EEA1: variants seen among roughly 807,000 people sequenced by gnomAD.
The protein encoded by EEA1 is early endosome antigen 1, 162kD.
Under a neutral mutation model 209.2 loss-of-function variants are expected in EEA1, and 111 were observed. The observed-to-expected ratio is 0.53, with a 90% CI of 0.45 to 0.62. EEA1 has a LOEUF of 0.62. EEA1 is among the 20% of genes least tolerant of loss of function. The pLI is 0.00. For synonymous variants in EEA1, 536 were observed against 540.6 expected (o/e 0.99, Z 0.12); for missense variants, 1,343 against 1,530.8 (o/e 0.88, Z 2.05).
chr12:92,813,505 C>T (rs1268159323), intron 15 of EEA1, among the ~76,000 whole-genome samples: 2 of 152,154 alleles, frequency 1.3e-5, no homozygotes, highest in Non-Finnish European at 2.9e-5. Flanking sequence ...TTCAATGACT[C>T]AAAACAGCCA....
chr12:92,806,458 T>C (rs1415357747), intron 18 of EEA1, among the ~76,000 whole-genome samples: 1 of 152,122 alleles, frequency 6.6e-6, no homozygotes, highest in Non-Finnish European at 1.5e-5. Flanking sequence ...GAAATTAGAA[T>C]AGCTCTATGT....
In EEA1 at chr12:92,929,183, CG is replaced by C. The variant is rs1881333764; in HGVS notation, c.-118del. ...GCCGGGAGGGGACCGGGAAGGAGGT[CG>C]GGGCGAGGCGGTGGCGACGGCCGCT... is the stretch of plus-strand genomic sequence containing the variant. On this transcript the variant is annotated 5_prime_UTR_variant, in exon 1 of 29. Coordinates refer to ENST00000322349, the MANE Select transcript of EEA1 (RefSeq NM_003566.4). 4.0e-6 allele frequency: 4 copies of C among 999,288 alleles called. No homozygotes were observed. The African/African-American group carries it at 5.3e-5, about 13-fold the overall frequency. 61.9% of individuals were successfully genotyped at this position (999,288 alleles called of 1,614,324 possible).
intron 21 of EEA1, among the ~76,000 whole-genome samples, chr12:92,794,181 T>C (rs1874543831): frequency 6.6e-6 from 1 of 152,176 alleles, no homozygotes; most frequent in Non-Finnish European, 1.5e-5. Flanking sequence ...CACTATGAGA[T>C]ACCATCTCAC....
In EEA1 at chr12:92,869,478, T is replaced by C. The variant is rs564053734; in HGVS notation, c.118-4491A>G. ...AAAAGCCCTGGCCGGGCGCAGTTGT[T>C]CACGCCCATAATCCCAGCACTTTGG... On this transcript the variant is annotated intron_variant, in intron 2 of 28. Transcript: ENST00000322349. Among the ~76,000 whole-genome samples the C allele has an allele frequency of 1.9e-3, 289 of 151,936 alleles. 2 individuals are homozygous for C. Among genetic ancestry groups the C allele is most frequent in the Non-Finnish European group, 2.6e-3 (180 of 67,952 alleles).
intron 2 of EEA1, among the ~76,000 whole-genome samples, chr12:92,880,347 C>T (rs1464150810): frequency 6.6e-6 from 1 of 152,204 alleles, no homozygotes; most frequent in East Asian, 1.9e-4. Context: ...CTCTGTCACT[C>T]TAACTGGAGT....
intron 27 of EEA1, 107 bp downstream of exon 27, chr12:92,777,436 T>G: frequency 8.1e-7 from 1 of 1,234,336 alleles, no homozygotes; most frequent in South Asian, 1.8e-5. Flanking sequence ...GAGTAGCTAT[T>G]TGAAAGTATT....
chr12:92,899,007 T>C (rs971835175), intron 1 of EEA1, among the ~76,000 whole-genome samples: 3 of 148,860 alleles, frequency 2.0e-5, no homozygotes, highest in African/African-American at 7.4e-5. Context: ...AGGCAATAAC[T>C]GTATCCTGTC....
At chr12:92,927,543 A>G (rs916390161) in intron 1 of EEA1, among the ~76,000 whole-genome samples, 3 of 152,344 alleles carry the variant, frequency 2.0e-5, no homozygotes, top group East Asian at 3.9e-4. Flanking sequence ...AAACCAATCT[A>G]TAACTACAGC....
chr12:92,796,782 C>T (rs758623288), intron 21 of EEA1, among the ~76,000 whole-genome samples: 16 of 152,132 alleles, frequency 1.1e-4, no homozygotes, highest in Non-Finnish European at 2.1e-4. Flanking sequence ...GTTTGCTATA[C>T]TTCCATATAA....
chr12:92,839,098 G>A (rs1201117062), intron 10 of EEA1, among the ~76,000 whole-genome samples: 1 of 152,186 alleles, frequency 6.6e-6, no homozygotes, highest in Non-Finnish European at 1.5e-5. Flanking sequence ...CCATGAGCTT[G>A]ACAGCTTCCT....
intron 18 of EEA1, among the ~76,000 whole-genome samples, chr12:92,806,942 A>AT (rs34717047): frequency 0.29 from 42,296 of 147,346 alleles, 6,399 homozygotes; most frequent in Non-Finnish European, 0.33. Flanking sequence ...TTTTTTAATA[A>AT]TTTTTTTTTT....
intron 1 of EEA1, among the ~76,000 whole-genome samples, chr12:92,924,183 A>G (rs567390321): frequency 1.3e-5 from 2 of 149,330 alleles, no homozygotes; most frequent in Non-Finnish European, 3.0e-5. Context: ...CAACATTAGC[A>G]GCAGCTAACA....
At chr12:92,876,943 G>GT (rs112295596) in intron 2 of EEA1, among the ~76,000 whole-genome samples, 36,915 of 142,394 alleles carry the variant, frequency 0.26, 5,036 homozygotes, top group Non-Finnish European at 0.32. Flanking sequence ...CCTGGGTGTT[G>GT]TTTTTTTTTT....
At chr12:92,919,223 G>A (rs1367251384) in intron 1 of EEA1, among the ~76,000 whole-genome samples, 1 of 148,268 alleles carries the variant, frequency 6.7e-6, no homozygotes, top group Admixed American at 6.7e-5. Context: ...AGAAAAAGAG[G>A]GAATCCTCCC....
At position 92,773,089 on chromosome 12, in the gene EEA1, G is replaced by A. The variant is rs1358181115; in HGVS notation, c.*2922C>T. ...AGCTCATGTCTAGGAATACTATAAT[G>A]GTGGCACATTTAAATCTTATGGATC... On this transcript the variant is annotated 3_prime_UTR_variant, in exon 29 of 29. Transcript: ENST00000322349. 1.3e-5 allele frequency: 2 copies of A among 152,032 alleles called. No individual in the cohort carries two copies. The highest frequency in any genetic ancestry group is 4.8e-5 in the African/African-American group (2 of 41,366). 9.4% of individuals were successfully genotyped at this position (152,032 alleles called of 1,614,324 possible).
At chr12:92,824,253 C>G (rs185776506) in intron 13 of EEA1, among the ~76,000 whole-genome samples, 1 of 152,230 alleles carries the variant, frequency 6.6e-6, no homozygotes. Flanking sequence ...TGACTTCTCA[C>G]TACCACTCTA....
intron 17 of EEA1, among the ~76,000 whole-genome samples, chr12:92,809,710 T>G (rs1262679816): frequency 2.0e-5 from 3 of 151,070 alleles, no homozygotes; most frequent in Non-Finnish European, 4.4e-5. Flanking sequence ...AAAAAAAAAT[T>G]AATTCTGAAT....
intron 1 of EEA1, among the ~76,000 whole-genome samples, chr12:92,914,812 C>T (rs1565862351): frequency 6.6e-6 from 1 of 152,114 alleles, no homozygotes; most frequent in Non-Finnish European, 1.5e-5. Flanking sequence ...AAAAGGCGTG[C>T]ATCCCCACGA....
chr12:92,882,448 G>T, intron 2 of EEA1, among the ~76,000 whole-genome samples: 1 of 151,602 alleles, frequency 6.6e-6, no homozygotes, highest in Non-Finnish European at 1.5e-5. Context: ...TTCAGAGGGT[G>T]TATGTGCAGG....
Sources: allele counts gnomAD v4.1 joint callset (sites outside exome capture counted in the v4.1 genomes callset), GRCh38; gene constraint gnomAD v4.1.1; transcripts MANE v1.5; gene names NCBI Gene and HGNC (gene_info 2026-07-23, HGNC 2026-07-21).